Variants in KCNJ6 observed in about 807,000 individuals in gnomAD.
KCNJ6 encodes G protein-activated inward rectifier potassium channel 2.
A neutral mutation model predicts 34.2 loss-of-function variants in KCNJ6; 9 were observed. The ratio of observed to expected loss-of-function variants is 0.26; its 90% CI spans 0.16 to 0.46. KCNJ6 has a LOEUF of 0.46. Ranked by LOEUF, KCNJ6 falls within the 20% of genes least tolerant of loss-of-function variation. The probability of loss-of-function intolerance (pLI) is 1.00; values close to 1 mark genes in which losing one functional copy is unlikely to be tolerated. For missense variants in KCNJ6, 236 were observed against 531.3 expected, an observed-to-expected ratio of 0.44 and a Z score of 5.46; for synonymous variants, 196 against 207.1, an observed-to-expected ratio of 0.95 and a Z score of 0.46.
intron 2 of KCNJ6, among the ~76,000 whole-genome samples, chr21:37,819,866 C>T (rs554045411): frequency 8.6e-5 from 13 of 151,628 alleles, no homozygotes; most frequent in African/African-American, 3.1e-4. Flanking sequence ...TCATTGCAAC[C>T]TCTGCCCCCT....
intron 3 of KCNJ6, 86 bp from the exon 4 acceptor site, chr21:37,625,570 G>A: frequency 1.1e-6 from 1 of 945,058 alleles, no homozygotes; most frequent in Non-Finnish European, 1.6e-6. Flanking sequence ...GAGGAGTACT[G>A]CATGCAGCTG....
intron 2 of KCNJ6, among the ~76,000 whole-genome samples, chr21:37,760,157 G>A (rs1449938150): frequency 6.6e-6 from 1 of 152,156 alleles, no homozygotes; most frequent in African/African-American, 2.4e-5. Context: ...TCCTGGTCCC[G>A]ACCTGCCCAG....
At chr21:37,900,984 T>C (rs2055814169) in intron 1 of KCNJ6, among the ~76,000 whole-genome samples, 1 of 152,156 alleles carries the variant, frequency 6.6e-6, no homozygotes, top group Admixed American at 6.6e-5. Flanking sequence ...TTACAGTCTG[T>C]GCTATATTCT....
At chr21:37,754,910 A>T (rs2055016168) in intron 2 of KCNJ6, among the ~76,000 whole-genome samples, 1 of 152,172 alleles carries the variant, frequency 6.6e-6, no homozygotes, top group Non-Finnish European at 1.5e-5. Flanking sequence ...GCTAAGCCGC[A>T]GTGCAGCTGG....
chr21:37,736,124 G>A (rs2054911607), intron 2 of KCNJ6, among the ~76,000 whole-genome samples: 1 of 152,186 alleles, frequency 6.6e-6, no homozygotes, highest in East Asian at 1.9e-4. Context: ...GCACAGGCTT[G>A]GAGCCCCATC....
chr21:37,842,294 G>A (rs745916004), intron 1 of KCNJ6, among the ~76,000 whole-genome samples: 10 of 152,068 alleles, frequency 6.6e-5, no homozygotes, highest in East Asian at 1.9e-4. Flanking sequence ...TTTTCCCCAC[G>A]GCCCTGGTAC....
intron 3 of KCNJ6, among the ~76,000 whole-genome samples, chr21:37,684,220 C>T (rs2054603127): frequency 6.6e-6 from 1 of 152,114 alleles, no homozygotes; most frequent in African/African-American, 2.4e-5. Flanking sequence ...GAGGTCTGGT[C>T]CAGGCCTCTC....
chr21:37,628,578 G>A (rs2054320804), intron 3 of KCNJ6, among the ~76,000 whole-genome samples: 1 of 152,140 alleles, frequency 6.6e-6, no homozygotes, highest in African/African-American at 2.4e-5. Context: ...CATAATAGGA[G>A]CTCCAGAAGG....
intron 2 of KCNJ6, among the ~76,000 whole-genome samples, chr21:37,782,953 T>C (rs2123514157): frequency 6.6e-6 from 1 of 152,340 alleles, no homozygotes; most frequent in Non-Finnish European, 1.5e-5. Flanking sequence ...GAATTTGTCT[T>C]AGTCCCCAAA....
intron 2 of KCNJ6, among the ~76,000 whole-genome samples, chr21:37,817,106 T>C (rs1184257674): frequency 6.6e-6 from 1 of 152,194 alleles, no homozygotes; most frequent in East Asian, 1.9e-4. Flanking sequence ...TGAAGGTCTA[T>C]TAGCACCAAC....
In KCNJ6 at chr21:37,638,067, A is replaced by G. The variant is rs192388345; in HGVS notation, c.947-12583T>C. ...GGTGAGGGTTCTCATTTAGGAGGCC[A>G]AGCTCCAGAGTCTACGCTGTCAACC... On this transcript the variant is annotated intron_variant, in intron 3 of 3. Coordinates refer to ENST00000609713, the MANE Select transcript of KCNJ6 (RefSeq NM_002240.5). Among the ~76,000 whole-genome samples, 236 of 152,364 alleles carry G rather than the reference A, an allele frequency of 1.5e-3. 2 individuals carry two copies. Among genetic ancestry groups the G allele is most frequent in the Non-Finnish European group, 3.5e-4 (24 of 68,028 alleles).
At chr21:37,810,126 C>T (rs1264314432) in intron 2 of KCNJ6, among the ~76,000 whole-genome samples, 3 of 152,170 alleles carry the variant, frequency 2.0e-5, no homozygotes, top group Admixed American at 2.0e-4. Context: ...CACCTGTGTG[C>T]ATGCACACAC....
intron 1 of KCNJ6, among the ~76,000 whole-genome samples, chr21:37,843,042 C>A (rs2055488855): frequency 1.3e-5 from 2 of 152,118 alleles, no homozygotes; most frequent in Admixed American, 6.6e-5. Context: ...CTTGACCCTC[C>A]TCTGATGGCA....
Position 37,737,098 on chromosome 21 carries a change from G to C in KCNJ6, c.26-21967C>G, listed in dbSNP as rs144886689. ...GTGTTGTACTGATATGTTACGGGGG[G>C]ATCTGCAGAGCTTCTTTACACAGCA... is the stretch of plus-strand genomic sequence containing the variant. On this transcript the variant is annotated intron_variant, in intron 2 of 3. Transcript: ENST00000609713. Among the ~76,000 whole-genome samples the C allele has an allele frequency of 6.3e-3, 958 of 152,226 alleles. 7 individuals are homozygous for C. The highest frequency in any genetic ancestry group is 0.022 in the African/African-American group (903 of 41,528).
chr21:37,850,199 CG>C (rs2055530401), intron 1 of KCNJ6, among the ~76,000 whole-genome samples: 1 of 151,968 alleles, frequency 6.6e-6, no homozygotes, highest in South Asian at 2.1e-4. Context: ...AGGTAGGTTG[CG>C]GGGTGCCAGG....
intron 1 of KCNJ6, among the ~76,000 whole-genome samples, chr21:37,898,108 G>A (rs2055798207): frequency 6.6e-6 from 1 of 152,178 alleles, no homozygotes; most frequent in Non-Finnish European, 1.5e-5. Context: ...GTGTGGGAAG[G>A]GGAAGGCAGA....
At chr21:37,646,594 T>G (rs1380040795) in intron 3 of KCNJ6, among the ~76,000 whole-genome samples, 1 of 152,224 alleles carries the variant, frequency 6.6e-6, no homozygotes, top group Non-Finnish European at 1.5e-5. Flanking sequence ...CCGGGCGATG[T>G]TCAGCAGAGC....
intron 1 of KCNJ6, among the ~76,000 whole-genome samples, chr21:37,854,834 G>A (rs993552723): frequency 6.6e-5 from 10 of 152,180 alleles, no homozygotes; most frequent in Admixed American, 5.9e-4. Flanking sequence ...AAATGTGTAT[G>A]CAACAAACAA....
At chr21:37,669,949 G>A (rs966568590) in intron 3 of KCNJ6, among the ~76,000 whole-genome samples, 4 of 152,162 alleles carry the variant, frequency 2.6e-5, no homozygotes, top group African/African-American at 9.7e-5. Flanking sequence ...TGAATCCGAA[G>A]TCATGAAGAT....
Sources: allele counts gnomAD v4.1 joint callset (sites outside exome capture counted in the v4.1 genomes callset), GRCh38; gene constraint gnomAD v4.1.1; transcripts MANE v1.5; gene names NCBI Gene and HGNC (gene_info 2026-07-23, HGNC 2026-07-21).